The following ADD2 variants were observed in gnomAD, a reference collection of about 807,000 sequenced individuals.
The protein encoded by ADD2 is adducin 2, also known as beta-adducin.
In ADD2, 23 loss-of-function variants were observed where a neutral mutation model predicts 83.0. The observed-to-expected ratio is 0.28, with a 90% CI of 0.20 to 0.39. ADD2 has a LOEUF of 0.39. Ranked by LOEUF, ADD2 falls within the 10% of genes least tolerant of loss-of-function variation. The pLI, the probability that ADD2 is intolerant of heterozygous loss-of-function variation, is 1.00. For missense variants in ADD2, 758 were observed against 944.9 expected, an observed-to-expected ratio of 0.80 and a Z score of 2.59; for synonymous variants, 375 against 375.4, an observed-to-expected ratio of 1.00 and a Z score of 0.01.
At chr2:70,722,809 A>G (rs1672796547) in intron 1 of ADD2, among the ~76,000 whole-genome samples, 1 of 152,204 alleles carries the variant, frequency 6.6e-6, no homozygotes, top group African/African-American at 2.4e-5. Context: ...ATAAAAATGG[A>G]AATTGACCCA....
At chr2:70,677,429 G>A (rs1190021657) in intron 12 of ADD2, among the ~76,000 whole-genome samples, 2 of 152,182 alleles carry the variant, frequency 1.3e-5, no homozygotes, top group Non-Finnish European at 2.9e-5. Flanking sequence ...GCAAAAGTCC[G>A]GAAACAAACA....
At chr2:70,716,674 T>G (rs7585539) in intron 1 of ADD2, among the ~76,000 whole-genome samples, 2 of 151,684 alleles carry the variant, frequency 1.3e-5, no homozygotes, top group African/African-American at 4.9e-5. Context: ...GCCAGCTTAA[T>G]GAAGCAGCCC....
chr2:70,677,529 G>C (rs1304258336), intron 12 of ADD2, among the ~76,000 whole-genome samples: 1 of 152,238 alleles, frequency 6.6e-6, no homozygotes, highest in East Asian at 1.9e-4. Flanking sequence ...TTCAGAGACA[G>C]CTGGTGTGTA....
At chr2:70,704,232 A>C in intron 4 of ADD2, 89 bp downstream of exon 4, 1 of 1,478,620 alleles carries the variant, frequency 6.8e-7, no homozygotes, top group Non-Finnish European at 9.2e-7. Context: ...TAGCCTGGCA[A>C]CCAGATGCTT....
intron 1 of ADD2, among the ~76,000 whole-genome samples, chr2:70,714,190 T>C (rs1351714025): frequency 1.3e-5 from 2 of 152,070 alleles, no homozygotes; most frequent in Non-Finnish European, 2.9e-5. Flanking sequence ...TAATGACAAG[T>C]GATCATTTTC....
chr2:70,700,858 G>A (rs767501927), intron 4 of ADD2, among the ~76,000 whole-genome samples: 14 of 151,928 alleles, frequency 9.2e-5, no homozygotes, highest in East Asian at 1.9e-4. Flanking sequence ...AATATATGAC[G>A]AAAATTTAAC....
chr2:70,666,320 T>C (rs1448879599), intron 15 of ADD2, among the ~76,000 whole-genome samples: 2 of 152,246 alleles, frequency 1.3e-5, no homozygotes, highest in African/African-American at 4.8e-5. Context: ...TAATCTTTTC[T>C]TATCTATCCC....
intron 2 of ADD2, among the ~76,000 whole-genome samples, chr2:70,707,704 T>C (rs1409769989): frequency 2.0e-5 from 3 of 152,232 alleles, no homozygotes; most frequent in Admixed American, 6.5e-5. Flanking sequence ...AGCATGTACT[T>C]TGGCTGAACA....
intron 6 of ADD2, 106 bp downstream of exon 6, chr2:70,695,615 T>TC (rs1671267756): frequency 1.0e-6 from 1 of 984,606 alleles, no homozygotes; most frequent in Non-Finnish European, 1.6e-6. Flanking sequence ...GATTGTGAGC[T>TC]CCACAGCGCA....
chr2:70,708,475 T>C (rs1357084019), intron 2 of ADD2, among the ~76,000 whole-genome samples: 1 of 152,228 alleles, frequency 6.6e-6, no homozygotes, highest in African/African-American at 2.4e-5. Flanking sequence ...GGTTGAAATA[T>C]CCATAGTTTA....
At chr2:70,684,570 T>G (rs889497508) in intron 9 of ADD2, among the ~76,000 whole-genome samples, 40 of 152,320 alleles carry the variant, frequency 2.6e-4, no homozygotes, top group African/African-American at 9.6e-4. Flanking sequence ...TTTTTAAAAG[T>G]CACTTGAAAG....
rs1553371860 is a variant in ADD2 at position 70,692,502 on chromosome 2, G to T, written c.606C>A (p.Phe202Leu). 1.2e-6 allele frequency: 2 copies of T among 1,612,708 alleles called. No homozygotes were observed. Among genetic ancestry groups the T allele is most frequent in the Non-Finnish European group, 1.7e-6 (2 of 1,179,628 alleles). ...GACAGAAGCCTGTGGTGTCCACTGG[G>T]AAGCAGCTGCTGCCCTTCTCCACCA... is the stretch of plus-strand genomic sequence containing the variant. ...GEVVEKGSSC[F>L]PVDTTGFCLH... Residue 202 changes from phenylalanine (F) to leucine (L), a missense_variant, in exon 7 of 16, where the codon TTC becomes TTA. This residue lies in a region of ADD2 where 394 missense variants were observed against 509.3 expected (regional missense o/e 0.77). Coordinates refer to ENST00000264436, the MANE Select transcript of ADD2 (RefSeq NM_001617.4).
intron 2 of ADD2, among the ~76,000 whole-genome samples, chr2:70,707,685 G>A (rs1219027902): frequency 6.6e-6 from 1 of 152,254 alleles, no homozygotes; most frequent in Non-Finnish European, 1.5e-5. Context: ...TCTCTTCTCA[G>A]CAGAAGGCAG....
Position 70,696,255 on chromosome 2 carries a change from G to T in ADD2, c.464C>A (p.Thr155Asn), listed in dbSNP as rs533130396. 2 of 1,612,720 alleles carry T rather than the reference G, an allele frequency of 1.2e-6. No homozygotes were observed. The highest frequency in any genetic ancestry group is 2.7e-5 in the African/African-American group (2 of 75,038). The change falls in exon 5 of 16, where the codon ACC becomes AAC. Residue 155 changes from threonine (T) to asparagine (N), a missense_variant. Thr to Asn is a moderately conservative substitution (Grantham distance 65, BLOSUM62 0). This residue lies in a region of ADD2 where 10 missense variants were observed against 31.1 expected (regional missense o/e 0.32). Transcript: ENST00000264436. ...DLYGWAQLSDTYVTLRVSKEQ... is the reference protein window; with the variant it reads ...DLYGWAQLSDNYVTLRVSKEQ... The stretch of plus-strand genomic sequence containing the variant: ...GGGCGTTCTGCTCACCGTGACATAG[G>T]TGTCACTCAGCTGGGCCCAGCCATA...
rs78842281 is a variant in ADD2, at chr2:70,674,641, G to A, written c.1741+37C>T. On this transcript the variant is annotated intron_variant, in intron 14 of 15. Transcript: ENST00000264436. ...CCTGAGCTCTCCCCTCCACCCTGGG[G>A]GACTTGGAAGCAAGGGTGTGCCTCA... 5,906 of 1,595,934 alleles carry A rather than the reference G, an allele frequency of 3.7e-3. 176 individuals are homozygous for A. The African/African-American group carries it at 0.072, about 20-fold the overall frequency.
At chr2:70,704,283 C>CCCCCCCAA in intron 4 of ADD2, 38 bp downstream of exon 4, 3 of 1,552,418 alleles carry the variant, frequency 1.9e-6, no homozygotes, top group Non-Finnish European at 1.8e-6. Flanking sequence ...ACCCTCCCCT[C>CCCCCCCAA]CACCTCTGCT....
rs782750462 is a variant in ADD2, at chr2:70,735,712, C to CT, written c.-153-22529dup. Among the ~76,000 whole-genome samples the CT allele has an allele frequency of 9.6e-3, 1,375 of 143,606 alleles. 17 individuals carry two copies. Among genetic ancestry groups the CT allele is most frequent in the African/African-American group, 0.029 (1,126 of 39,198 alleles). The allele number at this position is 143,606 out of a possible 152,430, so 94.2% of individuals were successfully genotyped here. A position where few individuals can be genotyped will look rare whatever the true frequency, so the allele number is the denominator to read the frequency against. On this transcript the variant is annotated intron_variant, in intron 1 of 15. Transcript: ENST00000264436. ...CCCAGTCTCTATCTCTATTCCCCCG[C>CT]TTTTTTTTTTTTGCTTTTCTTTCTT...
intron 15 of ADD2, among the ~76,000 whole-genome samples, chr2:70,667,934 AT>A (rs1553366438): frequency 6.6e-6 from 1 of 152,146 alleles, no homozygotes; most frequent in Admixed American, 6.5e-5. Context: ...TAGCATTTGA[AT>A]CAGTAGTCGG....
chr2:70,704,042 A>C (rs1671750761), intron 4 of ADD2, among the ~76,000 whole-genome samples: 1 of 152,054 alleles, frequency 6.6e-6, no homozygotes, highest in Admixed American at 6.5e-5. Flanking sequence ...GGGCATGGAA[A>C]CACAGGCTTC....
Sources: allele counts gnomAD v4.1 joint callset (sites outside exome capture counted in the v4.1 genomes callset), GRCh38; gene constraint gnomAD v4.1.1; regional missense constraint gnomAD v4.1.1; transcripts MANE v1.5; gene names NCBI Gene and HGNC (gene_info 2026-07-23, HGNC 2026-07-21).